The following MROH9 variants were observed in gnomAD, a reference collection of about 807,000 sequenced individuals.
MROH9 encodes maestro heat-like repeat-containing protein family member 9.
A neutral mutation model predicts 98.2 loss-of-function variants in MROH9; 92 were observed. That is an observed-to-expected ratio of 0.94 (90% CI 0.79 to 1.11). MROH9 has a LOEUF of 1.11. Among genes scored for constraint, MROH9 ranks in the 50% most tolerant of loss-of-function variants. The probability of loss-of-function intolerance (pLI) is 0.00; values close to 1 mark genes in which losing one functional copy is unlikely to be tolerated. For synonymous variants in MROH9, 397 were observed against 368.9 expected (o/e 1.08, Z -0.87); for missense variants, 1,057 against 1,014.8 (o/e 1.04, Z -0.57).
At chr1:170,963,128 T>C (rs1650082716) in intron 6 of MROH9, among the ~76,000 whole-genome samples, 1 of 149,678 alleles carries the variant, frequency 6.7e-6, no homozygotes, top group South Asian at 2.1e-4. Context: ...GGAACTTAAG[T>C]TTACAAGAAA....
rs577949017 is a variant in MROH9, at chr1:171,045,145, C to T, written c.2282-16987C>T. 2.7e-5 allele frequency among the ~76,000 whole-genome samples: 4 copies of T among 150,896 alleles called. No homozygotes were observed. The South Asian group carries it at 8.4e-4, about 32-fold the overall frequency. Reference sequence around the variant, plus strand: ...GCCTCCGAGTAGCTGGGACTACAGGCGCCCGCCACCACGCCCGGTTAATTT... The same window carrying T: ...GCCTCCGAGTAGCTGGGACTACAGGTGCCCGCCACCACGCCCGGTTAATTT... On this transcript the variant is annotated intron_variant, in intron 20 of 21. Coordinates refer to ENST00000367759, the MANE Select transcript of MROH9 (RefSeq NM_001163629.2).
At chr1:171,038,959 A>C (rs1323383063) in intron 20 of MROH9, among the ~76,000 whole-genome samples, 3 of 152,124 alleles carry the variant, frequency 2.0e-5, no homozygotes, top group South Asian at 4.1e-4. Flanking sequence ...ATGAAGCTAT[A>C]CTGAACCTGC....
chr1:170,989,774 T>G (rs1651280024), intron 10 of MROH9, 81 bp from the exon 11 acceptor site: 1 of 1,306,910 alleles, frequency 7.7e-7, no homozygotes, highest in Non-Finnish European at 1.1e-6. Flanking sequence ...AAAAGTGAAT[T>G]CTTATGTCCA....
At chr1:171,056,965 C>T (rs964697366) in intron 20 of MROH9, among the ~76,000 whole-genome samples, 2 of 152,220 alleles carry the variant, frequency 1.3e-5, no homozygotes, top group East Asian at 3.8e-4. Context: ...ATCCAAGAGT[C>T]AGCAGCCTCA....
intron 20 of MROH9, among the ~76,000 whole-genome samples, chr1:171,042,836 A>T (rs1163033192): frequency 6.6e-6 from 1 of 151,946 alleles, no homozygotes; most frequent in Non-Finnish European, 1.5e-5. Context: ...TCTGATTATT[A>T]GATGTTTTTC....
At chr1:171,052,470 A>C (rs2101869627) in intron 20 of MROH9, among the ~76,000 whole-genome samples, 1 of 152,282 alleles carries the variant, frequency 6.6e-6, no homozygotes, top group East Asian at 1.9e-4. Flanking sequence ...GAGGCAGCCT[A>C]AGCTCCTAAT....
At chr1:170,955,931 G>C (rs1423643443) in intron 3 of MROH9, among the ~76,000 whole-genome samples, 1 of 152,168 alleles carries the variant, frequency 6.6e-6, no homozygotes, top group Non-Finnish European at 1.5e-5. Flanking sequence ...TTATCTTCTA[G>C]AATTTTTATA....
intron 3 of MROH9, among the ~76,000 whole-genome samples, chr1:170,958,156 AATAGTT>A (rs1303809316): frequency 6.6e-6 from 1 of 151,144 alleles, no homozygotes; most frequent in African/African-American, 2.4e-5. Flanking sequence ...GATGGGACTT[AATAGTT>A]ATAGTGGTGT....
chr1:171,000,435 G>T (rs1651747836), intron 15 of MROH9, among the ~76,000 whole-genome samples: 1 of 151,992 alleles, frequency 6.6e-6, no homozygotes, highest in African/African-American at 2.4e-5. Flanking sequence ...TTTGCTGAGG[G>T]TTTTAATCAT....
intron 8 of MROH9, among the ~76,000 whole-genome samples, chr1:170,975,934 C>T (rs981082291): frequency 6.6e-6 from 1 of 151,900 alleles, no homozygotes; most frequent in African/African-American, 2.4e-5. Context: ...TGATCTTTGT[C>T]GGCTTAAAGT....
chr1:170,964,724 A>T (rs999445958), intron 6 of MROH9, among the ~76,000 whole-genome samples: 4 of 152,064 alleles, frequency 2.6e-5, no homozygotes, highest in Non-Finnish European at 4.4e-5. Context: ...GGAATTCTGG[A>T]ATAAGATGAT....
intron 20 of MROH9, among the ~76,000 whole-genome samples, chr1:171,053,429 A>C (rs938914422): frequency 5.3e-5 from 8 of 152,188 alleles, no homozygotes; most frequent in Non-Finnish European, 8.8e-5. Context: ...TGAACATCTA[A>C]ATCTCTGGTT....
intron 9 of MROH9, 146 bp from the exon 10 acceptor site, chr1:170,986,415 G>A: frequency 1.7e-6 from 1 of 603,048 alleles, no homozygotes. Flanking sequence ...TTTCATGGAA[G>A]AGAGAGACTC....
intron 21 of MROH9, among the ~76,000 whole-genome samples, chr1:171,063,252 A>ATTTTTTTTT (rs11385110): frequency 8.0e-6 from 1 of 124,972 alleles, no homozygotes. Flanking sequence ...ATTATCCCGG[A>ATTTTTTTTT]TTTTTTTTTT....
intron 8 of MROH9, among the ~76,000 whole-genome samples, chr1:170,973,929 T>C (rs1352864157): frequency 1.3e-5 from 2 of 152,118 alleles, no homozygotes; most frequent in African/African-American, 4.8e-5. Context: ...ATTCCACTTA[T>C]TAAAGGAATT....
intron 20 of MROH9, among the ~76,000 whole-genome samples, chr1:171,054,131 A>G (rs770999260): frequency 2.0e-5 from 3 of 152,256 alleles, no homozygotes; most frequent in Non-Finnish European, 4.4e-5. Context: ...CAACATCAGT[A>G]TACAAAGATC....
At chr1:171,057,937 A>G (rs1653895574) in intron 20 of MROH9, among the ~76,000 whole-genome samples, 1 of 152,102 alleles carries the variant, frequency 6.6e-6, no homozygotes, top group African/African-American at 2.4e-5. Context: ...CATTACCACC[A>G]GGCCTGCCCG....
intron 15 of MROH9, among the ~76,000 whole-genome samples, chr1:171,013,640 A>C (rs1349844858): frequency 1.3e-5 from 2 of 152,144 alleles, no homozygotes; most frequent in African/African-American, 4.8e-5. Flanking sequence ...TACATAGTAT[A>C]GTATCAGTCT....
chr1:170,983,355 A>G, intron 8 of MROH9, 67 bp from the exon 9 acceptor site: 1 of 1,117,378 alleles, frequency 8.9e-7, no homozygotes. Context: ...AAAATTGGAA[A>G]TAGTAATGTC....
Sources: gnomAD v4.1 joint callset for allele counts (sites outside exome capture counted in the v4.1 genomes callset) on GRCh38, gnomAD v4.1.1 for gene constraint, MANE v1.5 for transcripts, NCBI Gene and HGNC (gene_info 2026-07-23, HGNC 2026-07-21) for gene names.